Variants in FRMD4B observed in about 807,000 individuals in gnomAD.
The protein encoded by FRMD4B is FERM domain-containing protein 4B.
Under a neutral mutation model 141.5 loss-of-function variants are expected in FRMD4B, and 74 were observed. The ratio of observed to expected loss-of-function variants is 0.52; its 90% CI spans 0.43 to 0.63. The LOEUF is 0.63. Ranked by LOEUF, FRMD4B falls within the 30% of genes least tolerant of loss-of-function variation. The pLI, the probability that FRMD4B is intolerant of heterozygous loss-of-function variation, is 0.00. For synonymous variants in FRMD4B, 506 were observed against 467.9 expected (o/e 1.08, Z -1.05); for missense variants, 1,366 against 1,253.4 (o/e 1.09, Z -1.36).
chr3:69,194,172 G>T (rs998588742), intron 16 of FRMD4B, among the ~76,000 whole-genome samples: 4 of 152,212 alleles, frequency 2.6e-5, no homozygotes, highest in African/African-American at 9.7e-5. Flanking sequence ...AAAGCTCATG[G>T]ATGCAGAAGA....
Position 69,171,971 on chromosome 3 carries a change from C to G in FRMD4B, c.2995G>C (p.Glu999Gln), listed in dbSNP as rs764141051. 32 of 1,613,166 alleles carry G rather than the reference C, an allele frequency of 2.0e-5. No individual in the cohort carries two copies. In the South Asian group the frequency reaches 3.3e-4, roughly 17 times the overall value. ...PLPSPSRQYTEISQLDGTDGN... is the reference protein window; with the variant it reads ...PLPSPSRQYTQISQLDGTDGN... The stretch of plus-strand genomic sequence containing the variant: ...TCTGTACCATCCAGTTGACTGATTT[C>G]TGTGTATTGTCTATTAAAGAAAACC... Residue 999 changes from glutamate (E) to glutamine (Q), a missense_variant, in exon 23 of 23, where the codon GAA becomes CAA. By Grantham distance (29) the Glu-to-Gln change is conservative. Transcript: ENST00000398540.
chr3:69,399,128 G>A (rs1246765383), intron 2 of FRMD4B, among the ~76,000 whole-genome samples: 1 of 152,170 alleles, frequency 6.6e-6, no homozygotes, highest in Non-Finnish European at 1.5e-5. Context: ...CACCCGAGCT[G>A]TCCTCAATCC....
At chr3:69,519,997 C>CATATATATATAT (rs71618288) in intron 1 of FRMD4B, among the ~76,000 whole-genome samples, 125 of 88,354 alleles carry the variant, frequency 1.4e-3, no homozygotes, top group Admixed American at 2.1e-3. Context: ...AGTAGTATTC[C>CATATATATATAT]ATATATATAT....
chr3:69,465,184 G>A lies in FRMD4B; in HGVS notation c.-128-32423C>T, dbSNP rs907529114. Among the ~76,000 whole-genome samples the A allele has an allele frequency of 5.3e-5, 8 of 152,020 alleles. No homozygotes were observed. The East Asian group carries it at 7.7e-4, about 15-fold the overall frequency. ...AAATGCAAAAAATTAGCCTGGCGCC[G>A]TGGCAGGCACCTGTAGTCCCAGCTA... On this transcript the variant is annotated intron_variant, in intron 1 of 5. Coordinates refer to the FRMD4B transcript ENST00000459638.
intron 1 of FRMD4B, among the ~76,000 whole-genome samples, chr3:69,325,161 A>T (rs1469652531): frequency 2.0e-5 from 3 of 152,102 alleles, no homozygotes; most frequent in African/African-American, 7.2e-5. Context: ...CTTATATTGG[A>T]CCACTGCTCT....
chr3:69,189,964 A>G lies in FRMD4B; in HGVS notation c.1715-12T>C. The G allele has an allele frequency of 6.5e-7, 1 of 1,533,906 alleles. No homozygotes were observed. The highest frequency in any genetic ancestry group is 9.0e-7 in the Non-Finnish European group (1 of 1,107,766). Reference sequence around the variant, plus strand: ...GGGGATTATGTCTTCTGTGAATAAAAATAACTGCCTTTAGTACAATTGTGC... The same window carrying G: ...GGGGATTATGTCTTCTGTGAATAAAGATAACTGCCTTTAGTACAATTGTGC... On this transcript the variant is annotated splice_polypyrimidine_tract_variant and intron_variant, in intron 17 of 22. Coordinates refer to ENST00000398540, the MANE Select transcript of FRMD4B (RefSeq NM_015123.3).
rs943549154 is a variant in FRMD4B, at chr3:69,329,525, T to G, written c.163-16008A>C. ...CCACCATGCCCAGCTAATTTTTTTTTTTTTTTTTTTTTTTTTTTTTGAGAT... is the reference window on the plus strand; with the variant it reads ...CCACCATGCCCAGCTAATTTTTTTTGTTTTTTTTTTTTTTTTTTTTGAGAT... On this transcript the variant is annotated intron_variant, in intron 1 of 22. Coordinates refer to ENST00000398540, the MANE Select transcript of FRMD4B (RefSeq NM_015123.3). Among the ~76,000 whole-genome samples, 582 of 115,606 alleles carry G rather than the reference T, an allele frequency of 5.0e-3. 6 individuals carry two copies. Among genetic ancestry groups the G allele is most frequent in the African/African-American group, 0.022 (566 of 25,820 alleles). The allele number at this position is 115,606 out of a possible 152,430, so 75.8% of individuals were successfully genotyped here.
intron 1 of FRMD4B, among the ~76,000 whole-genome samples, chr3:69,541,898 T>C (rs142645780): frequency 0.012 from 1,896 of 151,796 alleles, 13 homozygotes; most frequent in Non-Finnish European, 0.018. Context: ...AAGCACGCGG[T>C]CCCCGGCGGC....
At chr3:69,174,818 C>T (rs895172898) in intron 22 of FRMD4B, among the ~76,000 whole-genome samples, 5 of 152,092 alleles carry the variant, frequency 3.3e-5, no homozygotes, top group Admixed American at 2.0e-4. Flanking sequence ...ATTACACAAA[C>T]ACGAAAATAA....
intron 13 of FRMD4B, 197 bp downstream of exon 13, chr3:69,196,703 G>A (rs1435132406): frequency 1.4e-5 from 8 of 587,112 alleles, no homozygotes; most frequent in East Asian, 8.6e-5. Flanking sequence ...AAGTTGGCCA[G>A]TCTTACAACT....
At chr3:69,481,996 G>A (rs537047563) in intron 1 of FRMD4B, among the ~76,000 whole-genome samples, 99 of 152,276 alleles carry the variant, frequency 6.5e-4, no homozygotes, top group African/African-American at 1.8e-3. Context: ...TTTAATGCAA[G>A]TTCCTTCTTT....
chr3:69,332,196 A>G (rs532562639), intron 1 of FRMD4B, among the ~76,000 whole-genome samples: 73 of 152,214 alleles, frequency 4.8e-4, no homozygotes, highest in Non-Finnish European at 9.7e-4. Context: ...AGCAGGTTCC[A>G]CTCTGTCCCT....
In FRMD4B at chr3:69,420,885, CA is replaced by C. The variant is rs566618056; in HGVS notation, c.-1+11748del. Among the ~76,000 whole-genome samples the C allele has an allele frequency of 6.4e-4, 98 of 152,262 alleles. 1 individual carries two copies. Among genetic ancestry groups the C allele is most frequent in the African/African-American group, 2.2e-3 (91 of 41,550 alleles). On this transcript the variant is annotated intron_variant, in intron 2 of 5. Coordinates refer to the FRMD4B transcript ENST00000459638. ...AAAGATGCCAGGGAGGATAAATGAC[CA>C]ACAATATGTTACCAGATGCGCCCTC... is the stretch of plus-strand genomic sequence containing the variant.
intron 1 of FRMD4B, among the ~76,000 whole-genome samples, chr3:69,474,918 A>C (rs1705958165): frequency 6.6e-6 from 1 of 152,194 alleles, no homozygotes; most frequent in Non-Finnish European, 1.5e-5. Context: ...AGAGCAATTC[A>C]TGTGGTCCAG....
rs1261200062 is a variant in FRMD4B, at chr3:69,195,102, T to C, written c.1408A>G (p.Ile470Val). ...GKMPKEYPLN[I>V]GEKPPQVRRR... ...CTGACCTGAGGAGGCTTCTCGCCTA[T>C]GTTCAGGGGATACTCCTTTGGCATT... The change falls in exon 16 of 23, where the codon ATA becomes GTA. Residue 470 changes from isoleucine (I) to valine (V), a missense_variant. Ile to Val is a conservative substitution (Grantham distance 29, BLOSUM62 3). Coordinates refer to ENST00000398540, the MANE Select transcript of FRMD4B (RefSeq NM_015123.3). 1 of 1,613,958 alleles carries C rather than the reference T, an allele frequency of 6.2e-7. No individual in the cohort carries two copies. Among genetic ancestry groups the C allele is most frequent in the Non-Finnish European group, 8.5e-7 (1 of 1,179,800 alleles).
rs528914363 is a variant in FRMD4B, at chr3:69,439,695, C to T, written c.-128-6934G>A. On this transcript the variant is annotated intron_variant, in intron 1 of 5. Transcript: ENST00000459638. ...AATGACAACTTGCTCTCCAAAGTGCCACCTGCCACAGCTCAGAGTGCCTGT... is the reference window on the plus strand; with the variant it reads ...AATGACAACTTGCTCTCCAAAGTGCTACCTGCCACAGCTCAGAGTGCCTGT... Among the ~76,000 whole-genome samples the T allele has an allele frequency of 1.6e-4, 24 of 152,290 alleles. No homozygotes were observed. The South Asian group carries it at 4.8e-3, about 30-fold the overall frequency.
At chr3:69,522,040 C>T (rs541481310) in intron 1 of FRMD4B, among the ~76,000 whole-genome samples, 81 of 152,292 alleles carry the variant, frequency 5.3e-4, no homozygotes, top group Admixed American at 4.4e-3. Flanking sequence ...TTTATGGGTG[C>T]TTTAACTACT....
At chr3:69,289,840 T>C (rs1285103737) in intron 4 of FRMD4B, among the ~76,000 whole-genome samples, 2 of 152,166 alleles carry the variant, frequency 1.3e-5, no homozygotes, top group South Asian at 2.1e-4. Flanking sequence ...AAACAACGTA[T>C]AGCCAATCAC....
intron 1 of FRMD4B, among the ~76,000 whole-genome samples, chr3:69,504,409 C>T (rs949776375): frequency 6.6e-6 from 1 of 152,160 alleles, no homozygotes; most frequent in Admixed American, 6.5e-5. Flanking sequence ...ACCATCACCA[C>T]AATCTAAGTT....
Sources: allele counts gnomAD v4.1 joint callset (sites outside exome capture counted in the v4.1 genomes callset), GRCh38; gene constraint gnomAD v4.1.1; transcripts MANE v1.5; gene names NCBI Gene and HGNC (gene_info 2026-07-23, HGNC 2026-07-21).